FGD4: variants seen among roughly 807,000 people sequenced by gnomAD.
FGD4 encodes FYVE, RhoGEF and PH domain-containing protein 4.
FGD4 carries 42 observed loss-of-function variants against 102.0 expected under a neutral mutation model. The observed-to-expected ratio is 0.41, with a 90% confidence interval of 0.32 to 0.53. FGD4 has a LOEUF of 0.53. Ranked by LOEUF, FGD4 falls within the 20% of genes least tolerant of loss-of-function variation. FGD4 has a pLI of 0.21. For synonymous variants in FGD4, 380 were observed against 375.7 expected, an observed-to-expected ratio of 1.01 and a Z score of -0.13; for missense variants, 902 against 1,078.2, an observed-to-expected ratio of 0.84 and a Z score of 2.29.
chr12:32,399,712 C>G lies in FGD4; in HGVS notation c.-82C>G. 1 of 1,489,656 alleles carries G rather than the reference C, an allele frequency of 6.7e-7. No individual in the cohort carries two copies. The highest frequency in any genetic ancestry group is 8.9e-7 in the Non-Finnish European group (1 of 1,129,248). 92.3% of individuals were successfully genotyped at this position (1,489,656 alleles called of 1,614,324 possible). A position where few individuals can be genotyped will look rare whatever the true frequency, so the allele number is the denominator to read the frequency against. Reference sequence around the variant, plus strand: ...CCCCCGGAGTCGCGCCGAACCTGGGCATGCAGGCGACGCCCCCCAGGGGCC... The same window carrying G: ...CCCCCGGAGTCGCGCCGAACCTGGGGATGCAGGCGACGCCCCCCAGGGGCC... On this transcript the variant is annotated 5_prime_UTR_variant, in exon 1 of 17. Transcript: ENST00000534526.
At chr12:32,459,302 T>G (rs1248770092) in intron 1 of FGD4, among the ~76,000 whole-genome samples, 1 of 150,892 alleles carries the variant, frequency 6.6e-6, no homozygotes, top group Non-Finnish European at 1.5e-5. Flanking sequence ...CAAGCGATTC[T>G]CATGCCTCAG....
Position 32,603,535 on chromosome 12 carries a change from G to A in FGD4, c.1404+1218G>A, listed in dbSNP as rs148388559. Among the ~76,000 whole-genome samples the A allele has an allele frequency of 3.4e-3, 513 of 151,976 alleles. 4 individuals carry two copies. The highest frequency in any genetic ancestry group is 0.011 in the African/African-American group (472 of 41,438). ...CCTGTTGCTGGGACTACAGGCGCCTGCCACCACGCCTGGCTAATTTTTTGT... is the reference window on the plus strand; with the variant it reads ...CCTGTTGCTGGGACTACAGGCGCCTACCACCACGCCTGGCTAATTTTTTGT... On this transcript the variant is annotated intron_variant, in intron 7 of 16. Transcript: ENST00000534526.
intron 1 of FGD4, among the ~76,000 whole-genome samples, chr12:32,400,574 G>GTT (rs1940615885): frequency 6.6e-6 from 1 of 152,214 alleles, no homozygotes; most frequent in Non-Finnish European, 1.5e-5. Context: ...GAATCTTAAA[G>GTT]AAGTCCTCAA....
chr12:32,581,973 T>C lies in FGD4; in HGVS notation c.517T>C (p.Tyr173His), dbSNP rs1203613964. 5.6e-6 allele frequency: 9 copies of C among 1,614,082 alleles called. No homozygotes were observed. ...RFEGGSSLSN[Y>H]SDLKKESAVN... ...TTTATCTTTTAGCTCATTATCAAAT[T>C]ATAGTGATTTGAAGAAAGAGTCTGC... The change falls in exon 4 of 17, where the codon TAT becomes CAT. Residue 173 changes from tyrosine (Y) to histidine (H), a missense_variant. Physicochemically the swap from Tyr to His is moderately conservative, Grantham distance 83. Around this residue, in one of 2 missense-constraint regions of FGD4, gnomAD observed 443 missense variants for 459.2 expected, o/e 0.96. Transcript: ENST00000534526.
intron 1 of FGD4, among the ~76,000 whole-genome samples, chr12:32,401,848 T>G (rs1940678684): frequency 6.8e-6 from 1 of 146,938 alleles, no homozygotes; most frequent in Non-Finnish European, 1.5e-5. Context: ...TGTCTCAGCC[T>G]CCCGAGTAGC....
At chr12:32,483,282 C>T (rs562941770) in intron 1 of FGD4, among the ~76,000 whole-genome samples, 355 of 152,220 alleles carry the variant, frequency 2.3e-3, no homozygotes, top group African/African-American at 6.8e-3. Context: ...GTAAAATCTA[C>T]AAGGCAGAGA....
At chr12:32,610,116 A>G (rs923805371) in intron 8 of FGD4, among the ~76,000 whole-genome samples, 1 of 152,232 alleles carries the variant, frequency 6.6e-6, no homozygotes, top group Non-Finnish European at 1.5e-5. Flanking sequence ...AACTAGTAAA[A>G]TACTTACTAC....
chr12:32,574,559 G>T (rs1379052556), intron 2 of FGD4, among the ~76,000 whole-genome samples: 1 of 152,058 alleles, frequency 6.6e-6, no homozygotes, highest in Non-Finnish European at 1.5e-5. Context: ...CCAAACATAT[G>T]TTGGAAAATA....
chr12:32,627,997 C>G (rs980714648), intron 14 of FGD4, among the ~76,000 whole-genome samples: 1 of 152,228 alleles, frequency 6.6e-6, no homozygotes, highest in Admixed American at 6.5e-5. Context: ...GATATGTGAA[C>G]CTGGCATGCC....
intron 1 of FGD4, 85 bp downstream of exon 1, chr12:32,400,044 C>T (rs1019043909): frequency 1.4e-6 from 2 of 1,392,600 alleles, no homozygotes; most frequent in Non-Finnish European, 1.9e-6. Flanking sequence ...CAGGTGCGCC[C>T]TCTCGTCCCC....
chr12:32,622,556 T>C (rs969811938), intron 11 of FGD4, among the ~76,000 whole-genome samples: 1 of 152,230 alleles, frequency 6.6e-6, no homozygotes, highest in South Asian at 2.1e-4. Context: ...TATGGTGATA[T>C]TGAAGATCTG....
chr12:32,596,660 G>T (rs73083408), intron 4 of FGD4, among the ~76,000 whole-genome samples: 8,704 of 151,846 alleles, frequency 0.057, 262 homozygotes, highest in East Asian at 0.12. Context: ...AAGGGGCTGG[G>T]CGCATTGGCT....
Position 32,582,383 on chromosome 12 carries a change from A to G in FGD4, c.927A>G (p.Ala309=). ...TGCTCCCCCTAGAAGAAAGAGGGGC[A>G]GAAACAGAAACCAAGGTACAAGAGA... ...GPVLPLEERG[A]ETETKVQERE... Residue 309 remains alanine (A), a synonymous_variant, in exon 4 of 17, where the codon GCA becomes GCG. Coordinates refer to ENST00000534526, the MANE Select transcript of FGD4 (RefSeq NM_001370298.3). 2 of 1,614,144 alleles carry G rather than the reference A, an allele frequency of 1.2e-6. 1 individual carries two copies. Among genetic ancestry groups the G allele is most frequent in the Non-Finnish European group, 1.7e-6 (2 of 1,180,026 alleles).
intron 1 of FGD4, among the ~76,000 whole-genome samples, chr12:32,513,127 G>A (rs554492069): frequency 4.6e-5 from 7 of 152,298 alleles, no homozygotes; most frequent in Admixed American, 3.3e-4. Flanking sequence ...CATGCAAAGT[G>A]CTGTGATTGC....
intron 1 of FGD4, among the ~76,000 whole-genome samples, chr12:32,406,146 T>C (rs1182145028): frequency 6.6e-6 from 1 of 151,944 alleles, no homozygotes; most frequent in Non-Finnish European, 1.5e-5. Flanking sequence ...TATCTCCTTG[T>C]TGGTAGGCTG....
chr12:32,448,658 CAAAA>C (rs112621517), intron 1 of FGD4, among the ~76,000 whole-genome samples: 1 of 85,618 alleles, frequency 1.2e-5, no homozygotes, highest in Non-Finnish European at 2.4e-5. Context: ...AACTCCATCG[CAAAA>C]AAAAAAAAAA....
intron 1 of FGD4, chr12:32,477,293 A>G (rs1451944289): frequency 1.3e-5 from 2 of 152,300 alleles, no homozygotes; most frequent in African/African-American, 4.8e-5. Flanking sequence ...GTCTCAAAAA[A>G]AAAAAAACCT....
At chr12:32,485,088 G>T (rs536156913) in intron 1 of FGD4, among the ~76,000 whole-genome samples, 3 of 152,234 alleles carry the variant, frequency 2.0e-5, no homozygotes, top group African/African-American at 7.2e-5. Context: ...ATTTATTTTT[G>T]TAGAGATGGG....
At chr12:32,431,121 A>T (rs1192931857) in intron 1 of FGD4, among the ~76,000 whole-genome samples, 1 of 152,236 alleles carries the variant, frequency 6.6e-6, no homozygotes, top group Non-Finnish European at 1.5e-5. Context: ...AGAGGTCGAA[A>T]AAAGGAATAG....
Sources: gnomAD v4.1 joint callset for allele counts (sites outside exome capture counted in the v4.1 genomes callset) on GRCh38, gnomAD v4.1.1 for gene constraint, gnomAD v4.1.1 regional missense constraint, MANE v1.5 for transcripts, NCBI Gene and HGNC (gene_info 2026-07-23, HGNC 2026-07-21) for gene names.